Variants in FXYD2 observed in about 807,000 individuals in gnomAD.
FXYD2 encodes the protein FXYD domain containing ion transport regulator 2, also known as sodium/potassium-transporting ATPase subunit gamma.
FXYD2 carries 8 observed loss-of-function variants against 11.8 expected under a neutral mutation model. The observed-to-expected ratio is 0.68, with a 90% confidence interval of 0.40 to 1.22. The LOEUF is 1.22. FXYD2 is among the 50% of genes most tolerant of loss of function. The pLI is 0.01. For synonymous variants in FXYD2, 42 were observed against 33.3 expected, an observed-to-expected ratio of 1.26 and a Z score of -0.90; for missense variants, 92 against 91.8, an observed-to-expected ratio of 1.00 and a Z score of -0.01.
At position 117,820,665 on chromosome 11, in the gene FXYD2, C is replaced by G. The variant is rs371153018; in HGVS notation, c.*6+1G>C. 35 of 1,613,938 alleles carry G rather than the reference C, an allele frequency of 2.2e-5. 1 individual carries two copies. The African/African-American group carries it at 3.6e-4, about 17-fold the overall frequency. On this transcript the variant is annotated splice_donor_variant, in intron 5 of 5. Coordinates refer to ENST00000292079, the MANE Select transcript of FXYD2 (RefSeq NM_001680.5). LOFTEE classifies it low-confidence loss of function (3UTR_SPLICE). Reference sequence around the variant, plus strand: ...ACCTTCCCCAGGCCCTCCTAGCATACCTGCTGTTACGGCTCATCTTCATTG... The same window carrying G: ...ACCTTCCCCAGGCCCTCCTAGCATAGCTGCTGTTACGGCTCATCTTCATTG...
At chr11:117,821,840 C>T in intron 3 of FXYD2, 1 of 997,076 alleles carries the variant, frequency 1.0e-6, no homozygotes, top group Non-Finnish European at 1.2e-6. Context: ...CTTGCTGTAT[C>T]TTCTTTCCAT....
Position 117,822,588 on chromosome 11 carries a change from C to A in FXYD2, c.64+91G>T. ...CGTGGTAACCAGGGGAGATAAGGGG[C>A]ACAGAGCATGGACCTGGGGCTGGGA... is the stretch of plus-strand genomic sequence containing the variant. On this transcript the variant is annotated intron_variant, in intron 2 of 5. Transcript: ENST00000292079. The surrounding 1 kb of genome is among the most constrained non-coding windows in gnomAD (Gnocchi z 4.7). 6.4e-7 allele frequency: 1 copy of A among 1,571,256 alleles called. No homozygotes were observed. Among genetic ancestry groups the A allele is most frequent in the East Asian group, 2.3e-5 (1 of 43,256 alleles).
intron 1 of FXYD2, among the ~76,000 whole-genome samples, chr11:117,823,480 T>C (rs2055961774): frequency 6.6e-6 from 1 of 152,204 alleles, no homozygotes; most frequent in African/African-American, 2.4e-5. Context: ...TGGAGGTGCA[T>C]AAGCCCTTTG....
upstream of FXYD2, chr11:117,828,068 GC>G: frequency 6.5e-7 from 1 of 1,549,786 alleles, no homozygotes; most frequent in Non-Finnish European, 8.7e-7. Flanking sequence ...GGTGCTGCTT[GC>G]CTGGGGCCTG....
At chr11:117,826,079 C>A (rs2056029827), upstream of FXYD2, among the ~76,000 whole-genome samples, 1 of 152,156 alleles carries the variant, frequency 6.6e-6, no homozygotes, top group East Asian at 1.9e-4. Flanking sequence ...ATAATGCATG[C>A]AAAGAGCATA....
Position 117,820,862 on chromosome 11 carries a change from C to T in FXYD2, c.173G>A (p.Arg58His), listed in dbSNP as rs761860028. ...GGTCACCCCAGGCAGCGCTCACCTGCGCTTCTTATTGCCCCCACAGCGGAA... is the reference window on the plus strand; with the variant it reads ...GGTCACCCCAGGCAGCGCTCACCTGTGCTTCTTATTGCCCCCACAGCGGAA... ...RRFRCGGNKK[R>H]RQINEDEP Residue 58 changes from arginine to histidine, a missense_variant, in exon 4 of 6, where the codon CGC becomes CAC. Coordinates refer to ENST00000292079, the MANE Select transcript of FXYD2 (RefSeq NM_001680.5). 12 of 1,613,550 alleles carry T rather than the reference C, an allele frequency of 7.4e-6. No individual in the cohort carries two copies. Among genetic ancestry groups the T allele is most frequent in the Admixed American group, 1.7e-5 (1 of 59,960 alleles).
At position 117,822,403 on chromosome 11, in the gene FXYD2, T is replaced by C; in HGVS notation, c.139+3A>G. The C allele has an allele frequency of 6.4e-7, 1 of 1,556,322 alleles. No homozygotes were observed. On this transcript the variant is annotated splice_donor_region_variant and intron_variant, in intron 3 of 5. Transcript: ENST00000292079. This position sits in a 1 kb window ranked among gnomAD's most constrained non-coding sequence, Gnocchi z 4.7. Reference sequence around the variant, plus strand: ...CCCCTTCCCTGGAGGCCACCCCACTTACTGAGGAGGATGAGGAGCCCCACG... The same window carrying C: ...CCCCTTCCCTGGAGGCCACCCCACTCACTGAGGAGGATGAGGAGCCCCACG...
chr11:117,825,520 C>T (rs2056017375), upstream of FXYD2, among the ~76,000 whole-genome samples: 1 of 151,632 alleles, frequency 6.6e-6, no homozygotes, highest in Non-Finnish European at 1.5e-5. Context: ...AAGCACTTTC[C>T]TCACTGTTTT....
intron 5 of FXYD2, 117 bp from the exon 6 acceptor site, chr11:117,820,489 A>G (rs1280174978): frequency 2.8e-6 from 2 of 716,844 alleles, no homozygotes; most frequent in African/African-American, 1.8e-5. Context: ...TGCGGCACAC[A>G]CTCCACGCCA....
chr11:117,821,114 T>C (rs980828137), intron 3 of FXYD2: 4 of 480,874 alleles, frequency 8.3e-6, no homozygotes, highest in Non-Finnish European at 1.3e-5. Context: ...TGGAGTGCAG[T>C]GGTGGGATCG....
Position 117,822,285 on chromosome 11 carries a change from G to C in FXYD2, c.139+121C>G, listed in dbSNP as rs1252191496. 9.7e-6 allele frequency: 15 copies of C among 1,541,866 alleles called. No individual in the cohort carries two copies. Among genetic ancestry groups the C allele is most frequent in the Non-Finnish European group, 1.3e-5 (15 of 1,144,656 alleles). On this transcript the variant is annotated intron_variant, in intron 3 of 5. Coordinates refer to ENST00000292079, the MANE Select transcript of FXYD2 (RefSeq NM_001680.5). This position sits in a 1 kb window ranked among gnomAD's most constrained non-coding sequence, Gnocchi z 4.7. ...GGCACCCATTCCCACATCCTGCAGT[G>C]GGGGGCGTGGTGGGGAGGCTCACCC... is the stretch of plus-strand genomic sequence containing the variant.
upstream of FXYD2, among the ~76,000 whole-genome samples, chr11:117,827,736 A>G (rs2056074025): frequency 6.6e-6 from 1 of 152,212 alleles, no homozygotes. Context: ...CTGCATCTCT[A>G]AGGGACGGAT....
intron 3 of FXYD2, chr11:117,821,304 TC>T: frequency 1.0e-6 from 1 of 957,934 alleles, no homozygotes; most frequent in East Asian, 1.1e-4. Context: ...CAAGAGATCC[TC>T]CTGCCTTGGC....
At chr11:117,827,407 G>T (rs1297863459), upstream of FXYD2, among the ~76,000 whole-genome samples, 1 of 152,100 alleles carries the variant, frequency 6.6e-6, no homozygotes, top group East Asian at 1.9e-4. Context: ...GTGCCACCAA[G>T]CCTGGCTAGT....
upstream of FXYD2, chr11:117,824,789 C>T (rs1591536884): frequency 7.5e-7 from 1 of 1,330,716 alleles, no homozygotes; most frequent in East Asian, 2.5e-5. This position sits in a 1 kb window ranked among gnomAD's most constrained non-coding sequence, Gnocchi z 4.0. Context: ...GGGCATTAAA[C>T]ATTAACAGTG....
In FXYD2 at chr11:117,822,607, G is replaced by T. The variant is rs754269604; in HGVS notation, c.64+72C>A. On this transcript the variant is annotated intron_variant, in intron 2 of 5. Transcript: ENST00000292079. The surrounding 1 kb of genome is among the most constrained non-coding windows in gnomAD (Gnocchi z 4.7). ...AAGGGGCACAGAGCATGGACCTGGGGCTGGGAGAGGCCGCTGCTTGGTGGA... is the reference window on the plus strand; with the variant it reads ...AAGGGGCACAGAGCATGGACCTGGGTCTGGGAGAGGCCGCTGCTTGGTGGA... 7 of 1,583,060 alleles carry T rather than the reference G, an allele frequency of 4.4e-6. No individual in the cohort carries two copies. In the Admixed American group the frequency reaches 1.1e-4, roughly 25 times the overall value.
At position 117,820,271 on chromosome 11, in the gene FXYD2, G is replaced by A. The variant is rs569588241; in HGVS notation, c.*108C>T. 4.4e-5 allele frequency: 10 copies of A among 224,932 alleles called. No homozygotes were observed. Among genetic ancestry groups the A allele is most frequent in the South Asian group, 2.5e-4 (2 of 7,860 alleles). The allele number at this position is 224,932 out of a possible 1,614,324, so 13.9% of individuals were successfully genotyped here. A position where few individuals can be genotyped will look rare whatever the true frequency, so the allele number is the denominator to read the frequency against. On this transcript the variant is annotated 3_prime_UTR_variant, in exon 6 of 6. Transcript: ENST00000292079. ...CTTCAGCCCAAGCGCTGGCAGTGAC[G>A]GGGACAAAGGTCTAAAGCCCAGGGA...
rs906599909 is a variant in FXYD2, at chr11:117,824,305, C to T, written c.25+349G>A. ...CTGACCAGAGGGGCCTGCTCCTTCC[C>T]CAGCCAGATGGACGCCGTCTGCCTC... On this transcript the variant is annotated intron_variant, in intron 1 of 5. Coordinates refer to ENST00000292079, the MANE Select transcript of FXYD2 (RefSeq NM_001680.5). The surrounding 1 kb of genome is among the most constrained non-coding windows in gnomAD (Gnocchi z 4.0). 2.7e-5 allele frequency: 12 copies of T among 436,686 alleles called. No homozygotes were observed. Among genetic ancestry groups the T allele is most frequent in the African/African-American group, 2.4e-4 (12 of 50,394 alleles). The allele number at this position is 436,686 out of a possible 1,614,324, so 27.1% of individuals were successfully genotyped here. A position where few individuals can be genotyped will look rare whatever the true frequency, so the allele number is the denominator to read the frequency against.
chr11:117,824,260 C>G lies in FXYD2; in HGVS notation c.25+394G>C, dbSNP rs755400056. 11 of 329,808 alleles carry G rather than the reference C, an allele frequency of 3.3e-5. No individual in the cohort carries two copies. Among genetic ancestry groups the G allele is most frequent in the Non-Finnish European group, 5.8e-5 (10 of 172,408 alleles). 20.4% of individuals were successfully genotyped at this position (329,808 alleles called of 1,614,324 possible). A position where few individuals can be genotyped will look rare whatever the true frequency, so the allele number is the denominator to read the frequency against. On this transcript the variant is annotated intron_variant, in intron 1 of 5. Coordinates refer to ENST00000292079, the MANE Select transcript of FXYD2 (RefSeq NM_001680.5). This position sits in a 1 kb window ranked among gnomAD's most constrained non-coding sequence, Gnocchi z 4.0. ...GACTTGAACTTGGCGGGCTCTCACC[C>G]CAAATCCAGCCTAGGAAGGCTGACC... is the stretch of plus-strand genomic sequence containing the variant.
Sources: allele counts gnomAD v4.1 joint callset (sites outside exome capture counted in the v4.1 genomes callset), GRCh38; gene constraint gnomAD v4.1.1; non-coding constraint Gnocchi (gnomAD v3.1); transcripts MANE v1.5; gene names NCBI Gene and HGNC (gene_info 2026-07-23, HGNC 2026-07-21).